USP12: variants seen among roughly 807,000 people sequenced by gnomAD.
USP12 encodes ubiquitin carboxyl-terminal hydrolase 12.
Under a neutral mutation model 45.5 loss-of-function variants are expected in USP12, and 19 were observed. The observed-to-expected ratio is 0.42, with a 90% CI of 0.29 to 0.61. The LOEUF is 0.61. Ranked by LOEUF, USP12 falls within the 20% of genes least tolerant of loss-of-function variation. The pLI is 0.22. For synonymous variants in USP12, 149 were observed against 148.8 expected, an observed-to-expected ratio of 1.00 and a Z score of -0.01; for missense variants, 242 against 447.7, an observed-to-expected ratio of 0.54 and a Z score of 4.15.
At chr13:27,150,154 A>G (rs1169449706) in intron 1 of USP12, among the ~76,000 whole-genome samples, 7 of 152,246 alleles carry the variant, frequency 4.6e-5, no homozygotes, top group Non-Finnish European at 8.8e-5. Flanking sequence ...TAATTCCCCA[A>G]TTTGATCATT....
chr13:27,148,899 T>C (rs1877443607), intron 1 of USP12, among the ~76,000 whole-genome samples: 1 of 151,836 alleles, frequency 6.6e-6, no homozygotes, highest in African/African-American at 2.4e-5. Flanking sequence ...AAATTGTATT[T>C]ATGGGCCAGA....
In USP12 at chr13:27,066,854, T is replaced by C. The variant is rs1873018828; in HGVS notation, c.*2429A>G. On this transcript the variant is annotated 3_prime_UTR_variant, in exon 9 of 9. Coordinates refer to ENST00000282344, the MANE Select transcript of USP12 (RefSeq NM_182488.4). ...TCACGATGCTTTCTTCATGGGTCAC[T>C]TTTCTTACTTACTATACCTGTATTT... The C allele has an allele frequency of 6.6e-6, 1 of 152,226 alleles. No individual in the cohort carries two copies. The highest frequency in any genetic ancestry group is 6.5e-5 in the Admixed American group (1 of 15,272). 9.4% of individuals were successfully genotyped at this position (152,226 alleles called of 1,614,324 possible). A position where few individuals can be genotyped will look rare whatever the true frequency, so the allele number is the denominator to read the frequency against.
rs1237580842 is a variant in USP12 at position 27,171,730 on chromosome 13, GGCGGACCCCGAGCCGCC to G, written c.-108_-92del. ...CCGCCCGCTCGCACCGCAGCCCGCG[GGCGGACCCCGAGCCGCC>G]GCGGACCCAACCACCGAGCCCGCTG... is the stretch of plus-strand genomic sequence containing the variant. On this transcript the variant is annotated 5_prime_UTR_variant, in exon 1 of 9. Transcript: ENST00000282344. The G allele has an allele frequency of 4.7e-6, 4 of 857,324 alleles. No individual in the cohort carries two copies. Among genetic ancestry groups the G allele is most frequent in the African/African-American group, 1.9e-5 (1 of 53,100 alleles). 53.1% of individuals were successfully genotyped at this position (857,324 alleles called of 1,614,324 possible).
intron 2 of USP12, among the ~76,000 whole-genome samples, chr13:27,110,185 A>C (rs1022629236): frequency 7.3e-5 from 11 of 150,452 alleles, no homozygotes; most frequent in Middle Eastern, 3.5e-3. Flanking sequence ...GTAATTGTTC[A>C]AGCTAGGTTG....
chr13:27,158,330 A>T (rs916723660), intron 1 of USP12, among the ~76,000 whole-genome samples: 5 of 152,192 alleles, frequency 3.3e-5, no homozygotes, highest in Admixed American at 6.5e-5. Context: ...GAGTCTCCTC[A>T]TAGCCCTCAG....
At chr13:27,171,053 C>T (rs1878576203) in intron 1 of USP12, among the ~76,000 whole-genome samples, 1 of 152,156 alleles carries the variant, frequency 6.6e-6, no homozygotes, top group African/African-American at 2.4e-5. Flanking sequence ...GAGCGCTGCC[C>T]GCCCCGGCCG....
At chr13:27,170,063 CGT>C in intron 1 of USP12, 1 of 358,412 alleles carries the variant, frequency 2.8e-6, no homozygotes, top group Non-Finnish European at 5.0e-6. Context: ...TAATAATTGG[CGT>C]ATCTAAAAAT....
At chr13:27,079,113 A>T (rs1873629321) in intron 6 of USP12, among the ~76,000 whole-genome samples, 1 of 149,838 alleles carries the variant, frequency 6.7e-6, no homozygotes, top group South Asian at 2.1e-4. Context: ...ATGGATGATT[A>T]TTATGAGACT....
chr13:27,108,231 T>C (rs1341825197), intron 2 of USP12, among the ~76,000 whole-genome samples: 5 of 151,896 alleles, frequency 3.3e-5, no homozygotes, highest in Non-Finnish European at 7.4e-5. Context: ...ATGTCCTTTG[T>C]AGGGACATGG....
chr13:27,093,628 C>G (rs1874422820), intron 4 of USP12, among the ~76,000 whole-genome samples: 1 of 152,186 alleles, frequency 6.6e-6, no homozygotes. Context: ...TCTTATCAAA[C>G]TAAGTATACT....
intron 1 of USP12, among the ~76,000 whole-genome samples, chr13:27,148,966 T>C (rs1359859794): frequency 3.3e-5 from 5 of 152,080 alleles, no homozygotes; most frequent in Middle Eastern, 3.4e-3. Flanking sequence ...GCGGATCATT[T>C]GAGCTCAGGA....
chr13:27,075,134 G>A, intron 7 of USP12, 57 bp downstream of exon 7: 2 of 1,542,132 alleles, frequency 1.3e-6, no homozygotes, highest in South Asian at 1.1e-5. Context: ...CATCTTGAAT[G>A]TACCCTGCTC....
At chr13:27,130,276 T>G (rs1876432182) in intron 1 of USP12, among the ~76,000 whole-genome samples, 1 of 152,138 alleles carries the variant, frequency 6.6e-6, no homozygotes, top group South Asian at 2.1e-4. Flanking sequence ...ACCTTTCTTG[T>G]TTTTTTCCCT....
At chr13:27,117,745 A>C (rs779516472) in intron 1 of USP12, 1 of 518,580 alleles carries the variant, frequency 1.9e-6, no homozygotes, top group East Asian at 5.5e-5. Flanking sequence ...AGAAAAAACA[A>C]AATTCAAGAA....
intron 1 of USP12, 39 bp from the exon 2 acceptor site, chr13:27,116,635 G>C: frequency 1.9e-6 from 3 of 1,587,462 alleles, no homozygotes; most frequent in Non-Finnish European, 2.6e-6. Flanking sequence ...ATTTATAGTA[G>C]TCATGCACCA....
intron 1 of USP12, among the ~76,000 whole-genome samples, chr13:27,171,176 C>T (rs1566011797): frequency 6.6e-6 from 1 of 151,382 alleles, no homozygotes; most frequent in Non-Finnish European, 1.5e-5. Flanking sequence ...CCCCGACGAC[C>T]CCGGCCCGGG....
intron 1 of USP12, among the ~76,000 whole-genome samples, chr13:27,120,094 C>A (rs923284248): frequency 6.6e-6 from 1 of 152,206 alleles, no homozygotes. Flanking sequence ...GAAAAACCAA[C>A]TGGAAAGTCA....
intron 6 of USP12, among the ~76,000 whole-genome samples, chr13:27,083,874 A>T (rs117671727): frequency 0.071 from 10,382 of 146,800 alleles, 365 homozygotes; most frequent in East Asian, 0.095. Context: ...ATATATATAT[A>T]TTTTTTTGAG....
At chr13:27,168,461 A>T (rs554629653) in intron 1 of USP12, among the ~76,000 whole-genome samples, 17 of 152,280 alleles carry the variant, frequency 1.1e-4, no homozygotes, top group Middle Eastern at 3.4e-3. Flanking sequence ...CAACTGCAAA[A>T]CACAGCCTCT....
Sources: gnomAD v4.1 joint callset for allele counts (sites outside exome capture counted in the v4.1 genomes callset) on GRCh38, gnomAD v4.1.1 for gene constraint, MANE v1.5 for transcripts, NCBI Gene and HGNC (gene_info 2026-07-23, HGNC 2026-07-21) for gene names.